BDP1: variants seen among roughly 807,000 people sequenced by gnomAD.
The protein encoded by BDP1 is transcription factor TFIIIB component B'' homolog.
In BDP1, 169 loss-of-function variants were observed where a neutral mutation model predicts 266.6. That is an observed-to-expected ratio of 0.63 (90% CI 0.56 to 0.72). The LOEUF (loss-of-function observed/expected upper bound fraction) is 0.72. Among genes scored for constraint, BDP1 ranks in the 30% least tolerant of loss-of-function variants. The probability of loss-of-function intolerance (pLI) is 0.00; values close to 1 mark genes in which losing one functional copy is unlikely to be tolerated. For synonymous variants in BDP1, 1,090 were observed against 1,022.4 expected, an observed-to-expected ratio of 1.07 and a Z score of -1.26; for missense variants, 3,015 against 3,053.8, an observed-to-expected ratio of 0.99 and a Z score of 0.30.
intron 13 of BDP1, among the ~76,000 whole-genome samples, chr5:71,498,554 G>A (rs1269859116): frequency 6.6e-6 from 1 of 151,080 alleles, no homozygotes; most frequent in African/African-American, 2.4e-5. Context: ...CTCCCAAGTA[G>A]CTGGGATTAC....
chr5:71,475,945 C>A (rs1762553259), intron 7 of BDP1: 1 of 152,514 alleles, frequency 6.6e-6, no homozygotes, highest in Admixed American at 6.5e-5. Flanking sequence ...TTAGAAAGCA[C>A]TGATCCTTTG....
intron 18 of BDP1, among the ~76,000 whole-genome samples, 196 bp from the exon 19 acceptor site, chr5:71,512,989 G>T (rs928089272): frequency 6.6e-6 from 1 of 150,824 alleles, no homozygotes; most frequent in African/African-American, 2.4e-5. Context: ...TTGAGCCCGC[G>T]GAGGTCAAGG....
At chr5:71,546,551 G>A (rs1378597699) in intron 32 of BDP1, among the ~76,000 whole-genome samples, 1 of 136,076 alleles carries the variant, frequency 7.3e-6, no homozygotes, top group Non-Finnish European at 1.5e-5. Context: ...CCAGGAGACA[G>A]AGGTTGCAGT....
rs767284001 is a variant in BDP1, at chr5:71,516,188, G to A, written c.4777G>A (p.Asp1593Asn). 1 of 1,613,486 alleles carries A rather than the reference G, an allele frequency of 6.2e-7. No homozygotes were observed. Among genetic ancestry groups the A allele is most frequent in the Non-Finnish European group, 8.5e-7 (1 of 1,179,672 alleles). Residue 1593 changes from aspartate (D) to asparagine (N), a missense_variant, in exon 21 of 39, where the codon GAC becomes AAC. Physicochemically the swap from Asp to Asn is conservative, Grantham distance 23. Around this residue, in one of 3 missense-constraint regions of BDP1, gnomAD observed 2,383 missense variants for 2,404.9 expected, o/e 0.99. Transcript: ENST00000358731. ...IRKTGQRQIV[D>N]KGEAKGIIKE... The stretch of plus-strand genomic sequence containing the variant: ...AAAGACAGGACAGAGGCAAATAGTA[G>A]ACAAAGGTGAAGCCAAAGGCATAAT...
In BDP1 at chr5:71,512,308, A is replaced by G. The variant is rs1174929141; in HGVS notation, c.4127A>G (p.Glu1376Gly). 1 of 1,597,702 alleles carries G rather than the reference A, an allele frequency of 6.3e-7. No individual in the cohort carries two copies. The stretch of plus-strand genomic sequence containing the variant: ...GAAGAAAAAAGAAATTCTGAAAAAG[A>G]AGTATCAAGTCACTTCAGTCATTTC... ...PVEEKRNSEK[E>G]VSSHFSHFKI... Residue 1376 changes from glutamate (E) to glycine (G), a missense_variant, in exon 18 of 39, where the codon GAA (glutamate) becomes GGA (glycine). Coordinates refer to ENST00000358731, the MANE Select transcript of BDP1 (RefSeq NM_018429.3).
At chr5:71,456,490 G>A (rs1179061578) in intron 1 of BDP1, among the ~76,000 whole-genome samples, 2 of 152,238 alleles carry the variant, frequency 1.3e-5, no homozygotes, top group African/African-American at 4.8e-5. Flanking sequence ...GAGAAGATAA[G>A]TATTGCTTTG....
intron 10 of BDP1, 87 bp downstream of exon 10, chr5:71,489,769 G>C (rs1763478184): frequency 2.6e-6 from 3 of 1,167,636 alleles, no homozygotes; most frequent in African/African-American, 1.5e-5. Flanking sequence ...TTTCTGTCTA[G>C]ATAGCAATTA....
chr5:71,536,565 C>T (rs146753279), intron 26 of BDP1, among the ~76,000 whole-genome samples: 278 of 152,250 alleles, frequency 1.8e-3, no homozygotes, highest in African/African-American at 6.3e-3. Flanking sequence ...GGCCCAGGCG[C>T]GGTGGCTCAT....
chr5:71,519,845 C>T (rs1210053941), intron 22 of BDP1, among the ~76,000 whole-genome samples: 5 of 152,190 alleles, frequency 3.3e-5, no homozygotes, highest in African/African-American at 1.2e-4. Context: ...TAGGATGGCT[C>T]AATCAAATGG....
chr5:71,512,292 A>G lies in BDP1; in HGVS notation c.4111A>G (p.Arg1371Gly). Residue 1371 changes from arginine to glycine, a missense_variant, in exon 18 of 39, where the codon AGA (arginine) becomes GGA (glycine). Transcript: ENST00000358731. ...GATGCATACACCTGTAGAAGAAAAAAGAAATTCTGAAAAAGAAGTATCAAG... is the reference window on the plus strand; with the variant it reads ...GATGCATACACCTGTAGAAGAAAAAGGAAATTCTGAAAAAGAAGTATCAAG... ...SMMHTPVEEK[R>G]NSEKEVSSHF... 1 of 1,592,478 alleles carries G rather than the reference A, an allele frequency of 6.3e-7. No homozygotes were observed. Among genetic ancestry groups the G allele is most frequent in the Admixed American group, 1.9e-5 (1 of 53,630 alleles).
At chr5:71,477,824 C>T (rs143123241) in intron 7 of BDP1, among the ~76,000 whole-genome samples, 27 of 151,722 alleles carry the variant, frequency 1.8e-4, no homozygotes, top group African/African-American at 6.0e-4. Flanking sequence ...TTTGCCATGT[C>T]GCCCAGGCTG....
chr5:71,483,920 A>C, intron 8 of BDP1, 24 bp downstream of exon 8: 1 of 1,570,846 alleles, frequency 6.4e-7, no homozygotes, highest in African/African-American at 1.4e-5. Context: ...CCTCTTTTAC[A>C]AAGTATTACT....
intron 28 of BDP1, among the ~76,000 whole-genome samples, chr5:71,540,121 A>G (rs1766874401): frequency 6.6e-6 from 1 of 152,218 alleles, no homozygotes; most frequent in Non-Finnish European, 1.5e-5. Context: ...CAGTTTGGAC[A>G]GAGCCAAAAG....
intron 15 of BDP1, among the ~76,000 whole-genome samples, chr5:71,504,010 T>C (rs1408451921): frequency 6.6e-6 from 1 of 151,670 alleles, no homozygotes. Context: ...CAGTGGCTCA[T>C]GCCTGTAATC....
chr5:71,559,664 T>A (rs1307505432), intron 36 of BDP1, among the ~76,000 whole-genome samples: 1 of 152,214 alleles, frequency 6.6e-6, no homozygotes, highest in East Asian at 1.9e-4. Flanking sequence ...GTTTCTAAAT[T>A]TTAACAAACC....
chr5:71,486,395 C>T, intron 8 of BDP1, 89 bp from the exon 9 acceptor site: 1 of 1,097,340 alleles, frequency 9.1e-7, no homozygotes, highest in Non-Finnish European at 1.3e-6. Context: ...TAAACAAACC[C>T]ATTTGCTTTT....
At chr5:71,502,010 C>A (rs1215911775) in intron 14 of BDP1, among the ~76,000 whole-genome samples, 1 of 152,024 alleles carries the variant, frequency 6.6e-6, no homozygotes, top group Admixed American at 6.6e-5. Context: ...CCAGGGGTTA[C>A]CATTTATACT....
intron 13 of BDP1, among the ~76,000 whole-genome samples, chr5:71,498,725 C>CT (rs901220175): frequency 0.041 from 5,015 of 122,230 alleles, 192 homozygotes; most frequent in African/African-American, 0.1. Context: ...CGCCTGCCGT[C>CT]TTTTTTTTTT....
chr5:71,517,273 G>A, intron 21 of BDP1, 49 bp from the exon 22 acceptor site: 1 of 1,385,188 alleles, frequency 7.2e-7, no homozygotes, highest in East Asian at 2.4e-5. Flanking sequence ...ATTTTAAGAG[G>A]TATATTCTGC....
Sources: allele counts gnomAD v4.1 joint callset (sites outside exome capture counted in the v4.1 genomes callset), GRCh38; gene constraint gnomAD v4.1.1; regional missense constraint gnomAD v4.1.1; transcripts MANE v1.5; gene names NCBI Gene and HGNC (gene_info 2026-07-23, HGNC 2026-07-21).